Variants in STOX2 observed in about 807,000 individuals in gnomAD.
STOX2 encodes storkhead-box protein 2.
Under a neutral mutation model 60.9 loss-of-function variants are expected in STOX2, and 28 were observed. The observed-to-expected ratio is 0.46, with a 90% CI of 0.34 to 0.63. STOX2 has a LOEUF of 0.63. STOX2 is among the 30% of genes least tolerant of loss of function. The pLI is 0.01. For synonymous variants in STOX2, 472 were observed against 463.9 expected (o/e 1.02, Z -0.22); for missense variants, 1,024 against 1,187.7 (o/e 0.86, Z 2.03).
chr4:183,925,144 G>A (rs979096690), intron 1 of STOX2, among the ~76,000 whole-genome samples: 2 of 152,138 alleles, frequency 1.3e-5, no homozygotes, highest in African/African-American at 2.4e-5. Flanking sequence ...CAGGGCTGAT[G>A]GGATGTCTCC....
intron 1 of STOX2, among the ~76,000 whole-genome samples, chr4:183,986,778 T>G (rs533802723): frequency 6.6e-6 from 1 of 152,136 alleles, no homozygotes; most frequent in Non-Finnish European, 1.5e-5. Context: ...AGGGGGGCCT[T>G]TGCCAGAGCC....
At chr4:183,838,374 C>T (rs1232577943) in intron 1 of STOX2, among the ~76,000 whole-genome samples, 11 of 151,052 alleles carry the variant, frequency 7.3e-5, no homozygotes, top group Admixed American at 7.2e-4. Context: ...TAAATAAATA[C>T]ATAAAATATT....
intron 1 of STOX2, among the ~76,000 whole-genome samples, chr4:183,864,599 G>A (rs1740523353): frequency 1.3e-5 from 2 of 152,036 alleles, no homozygotes; most frequent in Non-Finnish European, 2.9e-5. Flanking sequence ...TCTCCATGTT[G>A]GCCAGGCTGG....
rs190547915 is a variant in STOX2 at position 183,957,959 on chromosome 4, G to A, written c.167-43366G>A. Among the ~76,000 whole-genome samples the A allele has an allele frequency of 4.1e-4, 61 of 150,178 alleles. No individual in the cohort carries two copies. The East Asian group carries it at 5.5e-3, about 13-fold the overall frequency. On this transcript the variant is annotated intron_variant, in intron 1 of 3. Coordinates refer to ENST00000308497, the MANE Select transcript of STOX2 (RefSeq NM_020225.3). Reference sequence around the variant, plus strand: ...AGAATGGTATTTAGAACCCACTATCGTGAATGAGGCACCCTGGTTTCTTTC... The same window carrying A: ...AGAATGGTATTTAGAACCCACTATCATGAATGAGGCACCCTGGTTTCTTTC...
intron 1 of STOX2, among the ~76,000 whole-genome samples, chr4:183,847,911 G>A (rs1740023730): frequency 6.6e-6 from 1 of 152,156 alleles, no homozygotes; most frequent in African/African-American, 2.4e-5. Flanking sequence ...AAGAAAACAT[G>A]TGTGAGCTAA....
Position 183,906,904 on chromosome 4 carries a change from G to A in STOX2, c.114G>A (p.Lys38=). Residue 38 remains lysine, a synonymous_variant, in exon 1 of 4, where the codon AAG becomes AAA. Coordinates refer to ENST00000308497, the MANE Select transcript of STOX2 (RefSeq NM_020225.3). The part of the protein sequence containing the change: ...SRSEKDYRLH[K]RFPAAFAPQA... Reference sequence around the variant, plus strand: ...GCGAGAAGGACTACCGCCTGCACAAGCGTTTCCCCGCGGCCTTCGCGCCCC... The same window carrying A: ...GCGAGAAGGACTACCGCCTGCACAAACGTTTCCCCGCGGCCTTCGCGCCCC... The A allele has an allele frequency of 6.5e-7, 1 of 1,550,264 alleles. No homozygotes were observed.
chr4:183,830,862 C>T (rs1739548831), intron 1 of STOX2, among the ~76,000 whole-genome samples: 1 of 151,706 alleles, frequency 6.6e-6, no homozygotes, highest in Non-Finnish European at 1.5e-5. Flanking sequence ...CTGTGCAAAA[C>T]GTTTTCAGAG....
At chr4:183,943,350 TG>T in intron 1 of STOX2, among the ~76,000 whole-genome samples, 1 of 152,334 alleles carries the variant, frequency 6.6e-6, no homozygotes, top group East Asian at 1.9e-4. Flanking sequence ...ACTATGAATT[TG>T]CATAGTTTTT....
chr4:183,859,857 T>C (rs1350814563), intron 1 of STOX2, among the ~76,000 whole-genome samples: 1 of 152,224 alleles, frequency 6.6e-6, no homozygotes, highest in Non-Finnish European at 1.5e-5. Flanking sequence ...AGGACTTTAT[T>C]TTCCTTGTCA....
At chr4:183,819,437 G>C (rs1367468579) in intron 1 of STOX2, among the ~76,000 whole-genome samples, 3 of 151,858 alleles carry the variant, frequency 2.0e-5, no homozygotes, top group Admixed American at 1.3e-4. Flanking sequence ...CGCAGGCACT[G>C]GGCAGGTTGA....
intron 1 of STOX2, among the ~76,000 whole-genome samples, chr4:183,930,221 A>C (rs1346807456): frequency 6.7e-6 from 1 of 148,750 alleles, no homozygotes; most frequent in Non-Finnish European, 1.5e-5. Flanking sequence ...GCTGGAGTGC[A>C]CTGGTACAGT....
At chr4:184,000,707 A>T (rs1733550260) in intron 1 of STOX2, among the ~76,000 whole-genome samples, 1 of 152,080 alleles carries the variant, frequency 6.6e-6, no homozygotes, top group South Asian at 2.1e-4. Flanking sequence ...CCTGCTTCTG[A>T]GCCCCACCCT....
intron 1 of STOX2, among the ~76,000 whole-genome samples, chr4:183,947,493 T>C (rs1003798961): frequency 6.6e-6 from 1 of 152,218 alleles, no homozygotes; most frequent in Non-Finnish European, 1.5e-5. Flanking sequence ...TACACAGAAC[T>C]CCACTTTTCC....
At chr4:183,891,573 T>A (rs1321577693) in intron 1 of STOX2, among the ~76,000 whole-genome samples, 1 of 151,350 alleles carries the variant, frequency 6.6e-6, no homozygotes, top group Non-Finnish European at 1.5e-5. Flanking sequence ...TGTAAAGGTA[T>A]AAGAATGATA....
intron 1 of STOX2, among the ~76,000 whole-genome samples, chr4:183,910,316 A>C (rs1741741659): frequency 6.6e-6 from 1 of 152,210 alleles, no homozygotes; most frequent in Non-Finnish European, 1.5e-5. Context: ...CTCCCCACAA[A>C]GGAGCAAATC....
At chr4:184,007,911 G>T (rs1189961710) in intron 2 of STOX2, among the ~76,000 whole-genome samples, 5 of 152,172 alleles carry the variant, frequency 3.3e-5, no homozygotes, top group Non-Finnish European at 7.3e-5. Context: ...TCCAAATAGA[G>T]TCATATTTAA....
At chr4:183,993,592 A>AAT (rs201296049) in intron 1 of STOX2, among the ~76,000 whole-genome samples, 4,502 of 152,334 alleles carry the variant, frequency 0.03, 74 homozygotes, top group Admixed American at 0.064. Context: ...TGTTGAAGTA[A>AAT]AGCATTAGGA....
intron 1 of STOX2, among the ~76,000 whole-genome samples, chr4:183,935,251 C>T (rs946182785): frequency 1.3e-5 from 2 of 152,238 alleles, no homozygotes; most frequent in Admixed American, 1.3e-4. Flanking sequence ...CCTGGAACCT[C>T]ATCTGCTAAG....
At chr4:183,804,786 T>C (rs1738847053) in intron 1 of STOX2, among the ~76,000 whole-genome samples, 1 of 150,810 alleles carries the variant, frequency 6.6e-6, no homozygotes, top group African/African-American at 2.5e-5. Context: ...GTCAGTTTCA[T>C]TGTAATAAAG....
Sources: gnomAD v4.1 joint callset for allele counts (sites outside exome capture counted in the v4.1 genomes callset) on GRCh38, gnomAD v4.1.1 for gene constraint, MANE v1.5 for transcripts, NCBI Gene and HGNC (gene_info 2026-07-23, HGNC 2026-07-21) for gene names.